The following RIMS2 variants were observed in gnomAD, a reference collection of about 807,000 sequenced individuals.
RIMS2 encodes regulating synaptic membrane exocytosis 2.
In RIMS2, 59 loss-of-function variants were observed where a neutral mutation model predicts 174.4. The ratio of observed to expected loss-of-function variants is 0.34; its 90% CI spans 0.27 to 0.42. RIMS2 has a LOEUF of 0.42. RIMS2 is among the 10% of genes least tolerant of loss of function. The pLI, the probability that RIMS2 is intolerant of heterozygous loss-of-function variation, is 1.00. For missense variants in RIMS2, 1,620 were observed against 1,666.3 expected, an observed-to-expected ratio of 0.97 and a Z score of 0.48; for synonymous variants, 606 against 572.5, an observed-to-expected ratio of 1.06 and a Z score of -0.84.
At chr8:103,708,727 C>T (rs573815912) in intron 2 of RIMS2, among the ~76,000 whole-genome samples, 1 of 152,282 alleles carries the variant, frequency 6.6e-6, no homozygotes, top group African/African-American at 2.4e-5. Flanking sequence ...GCATTTTTCA[C>T]TTGCTGCTTA....
At chr8:103,895,331 T>C (rs1341127709) in intron 4 of RIMS2, among the ~76,000 whole-genome samples, 2 of 151,608 alleles carry the variant, frequency 1.3e-5, no homozygotes, top group African/African-American at 4.9e-5. Flanking sequence ...GATGTTTATT[T>C]TTTACGGTTC....
chr8:103,583,944 GATATT>G (rs1330939940), intron 1 of RIMS2, among the ~76,000 whole-genome samples: 3 of 152,100 alleles, frequency 2.0e-5, no homozygotes, highest in Non-Finnish European at 4.4e-5. Flanking sequence ...CCTATAGAAA[GATATT>G]ATATCCAAGT....
chr8:103,935,610 T>G (rs2081064855), intron 12 of RIMS2, among the ~76,000 whole-genome samples: 1 of 152,222 alleles, frequency 6.6e-6, no homozygotes. Context: ...GGAGTTTGTC[T>G]GTCATTTTAA....
intron 2 of RIMS2, among the ~76,000 whole-genome samples, chr8:103,753,858 G>A (rs1008099170): frequency 6.6e-6 from 1 of 151,960 alleles, no homozygotes; most frequent in Non-Finnish European, 1.5e-5. Context: ...TATCAATTTT[G>A]TCAATCTTTT....
chr8:104,245,420 C>A (rs2099325949), intron 20 of RIMS2, among the ~76,000 whole-genome samples: 1 of 152,160 alleles, frequency 6.6e-6, no homozygotes, highest in Non-Finnish European at 1.5e-5. Flanking sequence ...TAAGAATCGC[C>A]ATCCTGAGAA....
intron 2 of RIMS2, among the ~76,000 whole-genome samples, chr8:103,702,209 C>A (rs2097175199): frequency 6.6e-6 from 1 of 151,846 alleles, no homozygotes; most frequent in Non-Finnish European, 1.5e-5. Context: ...TTTTCATATA[C>A]CTGTTGGATA....
chr8:103,884,297 C>A (rs918501564), intron 3 of RIMS2, among the ~76,000 whole-genome samples: 1 of 151,892 alleles, frequency 6.6e-6, no homozygotes, highest in African/African-American at 2.4e-5. Context: ...GCTGACTTCA[C>A]TCTTTCATTG....
At chr8:104,078,851 T>G (rs1366975320) in intron 19 of RIMS2, among the ~76,000 whole-genome samples, 1 of 152,198 alleles carries the variant, frequency 6.6e-6, no homozygotes, top group Non-Finnish European at 1.5e-5. Context: ...TCCTAAGAGA[T>G]AAAATATTTT....
chr8:103,559,533 G>T, intron 1 of RIMS2: 1 of 191,308 alleles, frequency 5.2e-6, no homozygotes, highest in Non-Finnish European at 1.1e-5. Flanking sequence ...TGCAGAGATG[G>T]CTTTTAAGAG....
chr8:103,671,418 T>A (rs532912326), intron 1 of RIMS2, among the ~76,000 whole-genome samples: 57 of 152,360 alleles, frequency 3.7e-4, no homozygotes, highest in African/African-American at 1.4e-3. Flanking sequence ...GGTATTCAAT[T>A]AATTATTGTC....
rs35460743 is a variant in RIMS2, at chr8:103,825,446, A to ATTTTTTT, written c.698+58921_698+58927dup. Among the ~76,000 whole-genome samples the ATTTTTTT allele has an allele frequency of 1.1e-4, 14 of 131,848 alleles. 1 individual carries two copies. Among genetic ancestry groups the ATTTTTTT allele is most frequent in the African/African-American group, 1.1e-4 (4 of 34,832 alleles). The allele number at this position is 131,848 out of a possible 152,430, so 86.5% of individuals were successfully genotyped here. On this transcript the variant is annotated intron_variant, in intron 3 of 23. Coordinates refer to ENST00000504942, the Ensembl canonical transcript of RIMS2. The stretch of plus-strand genomic sequence containing the variant: ...AGGCATGTGCCACAATGGCTAGCTA[A>ATTTTTTT]TTTTTTTTTTTTTTTTTTGTTAGAG...
Position 103,954,717 on chromosome 8 carries a change from C to T in RIMS2, c.2702-6348C>T, listed in dbSNP as rs200654937. ...ACTAGAGAAGCAAGAGCAAACAAAT[C>T]CAAAAGCTAGCAGAAGACAAGAAAT... On this transcript the variant is annotated intron_variant, in intron 14 of 23. Coordinates refer to ENST00000504942, the Ensembl canonical transcript of RIMS2. 3.3e-3 allele frequency among the ~76,000 whole-genome samples: 486 copies of T among 148,408 alleles called. 5 individuals carry two copies. Among genetic ancestry groups the T allele is most frequent in the Non-Finnish European group, 3.6e-3 (236 of 65,578 alleles).
At chr8:103,605,461 C>G (rs200036280) in intron 1 of RIMS2, among the ~76,000 whole-genome samples, 1 of 147,874 alleles carries the variant, frequency 6.8e-6, no homozygotes, top group Non-Finnish European at 1.5e-5. Flanking sequence ...CTAAAATTCT[C>G]TTTTTTGCTT....
intron 17 of RIMS2, among the ~76,000 whole-genome samples, chr8:104,012,687 A>G (rs1319939303): frequency 1.3e-5 from 2 of 152,188 alleles, no homozygotes; most frequent in East Asian, 3.8e-4. Flanking sequence ...TTCCAGGGAT[A>G]GAAAGGTCAA....
intron 3 of RIMS2, among the ~76,000 whole-genome samples, chr8:103,826,552 G>C (rs939859023): frequency 7.9e-5 from 12 of 151,814 alleles, no homozygotes; most frequent in African/African-American, 2.9e-4. Context: ...TATAAGCATG[G>C]TTCTATTTCT....
chr8:103,711,135 T>C (rs1590877818), intron 2 of RIMS2, among the ~76,000 whole-genome samples: 1 of 152,232 alleles, frequency 6.6e-6, no homozygotes, highest in East Asian at 1.9e-4. Context: ...CAACTCACTT[T>C]TACAATTGTT....
At chr8:103,750,798 G>C (rs934021783) in intron 2 of RIMS2, among the ~76,000 whole-genome samples, 17 of 152,086 alleles carry the variant, frequency 1.1e-4, no homozygotes, top group African/African-American at 4.1e-4. Flanking sequence ...TAAGTTTCCT[G>C]AGGCTTCACC....
At chr8:103,568,331 A>G (rs1007212169) in intron 1 of RIMS2, among the ~76,000 whole-genome samples, 1 of 152,106 alleles carries the variant, frequency 6.6e-6, no homozygotes, top group Non-Finnish European at 1.5e-5. Context: ...AGTAAAATAA[A>G]TTAAAATTAT....
intron 4 of RIMS2, among the ~76,000 whole-genome samples, chr8:103,908,636 C>G (rs1056040115): frequency 1.6e-4 from 24 of 152,088 alleles, no homozygotes; most frequent in African/African-American, 5.6e-4. Context: ...TTAACCTTGA[C>G]TCTTTAGTCT....
Sources: allele counts gnomAD v4.1 joint callset (sites outside exome capture counted in the v4.1 genomes callset), GRCh38; gene constraint gnomAD v4.1.1; transcripts MANE v1.5; gene names NCBI Gene and HGNC (gene_info 2026-07-23, HGNC 2026-07-21).